CIROZ: variants seen among roughly 807,000 people sequenced by gnomAD.
CIROZ encodes the protein ciliated left-right organizer ZP-N domains-containing protein.
chr1:10,962,807 C>A, the CIROZ span, among the ~76,000 whole-genome samples: 4 of 152,212 alleles, frequency 2.6e-5, no homozygotes, highest in Non-Finnish European at 5.9e-5. Flanking sequence ...CGGCACCCAG[C>A]ACAGAATGAG....
the CIROZ span, among the ~76,000 whole-genome samples, chr1:10,955,898 T>C: frequency 6.6e-6 from 1 of 151,926 alleles, no homozygotes; most frequent in African/African-American, 2.4e-5. Flanking sequence ...GTTTACACTT[T>C]AGCAAGAATT....
chr1:10,964,571 G>C, the CIROZ span, among the ~76,000 whole-genome samples: 1 of 152,210 alleles, frequency 6.6e-6, no homozygotes, highest in African/African-American at 2.4e-5. Flanking sequence ...TCCCTTGAGA[G>C]TTGACAAATA....
At chr1:10,976,772 A>C in the CIROZ span, among the ~76,000 whole-genome samples, 976 of 152,212 alleles carry the variant, frequency 6.4e-3, 13 homozygotes, top group African/African-American at 0.022. Flanking sequence ...CAGGCTCAGA[A>C]GAAAATGAAA....
At chr1:10,950,640 A>G in the CIROZ span, among the ~76,000 whole-genome samples, 1 of 152,276 alleles carries the variant, frequency 6.6e-6, no homozygotes, top group East Asian at 1.9e-4. Context: ...CGCCCACCAG[A>G]TGCTGGTAGG....
chr1:10,979,095 G>A, the CIROZ span, among the ~76,000 whole-genome samples: 1 of 152,116 alleles, frequency 6.6e-6, no homozygotes, highest in East Asian at 1.9e-4. Flanking sequence ...AGATTTAAGT[G>A]ATTCTCGTGC....
At chr1:10,976,276 G>C in the CIROZ span, 16 of 1,502,940 alleles carry the variant, frequency 1.1e-5, no homozygotes, top group East Asian at 9.8e-5. Context: ...AGGAGGGAAG[G>C]GGGTGGGGAC....
At chr1:10,969,937 A>G in the CIROZ span, 1 of 1,503,684 alleles carries the variant, frequency 6.7e-7, no homozygotes, top group Non-Finnish European at 8.8e-7. Context: ...AAGCCCCAGC[A>G]AAGACCCCGC....
At chr1:10,971,053 A>G in the CIROZ span, among the ~76,000 whole-genome samples, 1 of 7,032 alleles carries the variant, frequency 1.4e-4, no homozygotes, top group East Asian at 4.0e-3. Flanking sequence ...TCAGGAGGTG[A>G]GGCGGAAAGA....
At chr1:10,950,747 G>A in the CIROZ span, among the ~76,000 whole-genome samples, 8 of 152,240 alleles carry the variant, frequency 5.3e-5, no homozygotes, top group Admixed American at 2.0e-4. Context: ...GTTCCAGCTT[G>A]CAAATTCTGG....
At chr1:10,971,258 G>A in the CIROZ span, among the ~76,000 whole-genome samples, 3 of 150,374 alleles carry the variant, frequency 2.0e-5, no homozygotes, top group African/African-American at 7.3e-5. Context: ...AGACCAGAGG[G>A]GAGAGGCAGT....
chr1:10,970,804 C>T, the CIROZ span, among the ~76,000 whole-genome samples: 19,481 of 151,084 alleles, frequency 0.13, 2,043 homozygotes, highest in East Asian at 0.29. Flanking sequence ...AATCTAAACT[C>T]TATGTTTTAT....
chr1:10,963,817 C>T, the CIROZ span, among the ~76,000 whole-genome samples: 1 of 152,044 alleles, frequency 6.6e-6, no homozygotes, highest in Non-Finnish European at 1.5e-5. Flanking sequence ...TGCAATTTTG[C>T]AGCTTTGGTG....
chr1:10,968,017 G>A, the CIROZ span, among the ~76,000 whole-genome samples: 1 of 151,438 alleles, frequency 6.6e-6, no homozygotes, highest in African/African-American at 2.4e-5. Flanking sequence ...AATTCGTTCG[G>A]CGCGGTGGGG....
the CIROZ span, among the ~76,000 whole-genome samples, chr1:10,976,704 A>AAG: frequency 6.7e-6 from 1 of 149,998 alleles, no homozygotes; most frequent in Non-Finnish European, 1.5e-5. Context: ...AGAGACGAAA[A>AAG]AAAAAAAAAA....
the CIROZ span, among the ~76,000 whole-genome samples, chr1:10,958,132 G>C: frequency 6.6e-6 from 1 of 152,200 alleles, no homozygotes; most frequent in Non-Finnish European, 1.5e-5. Flanking sequence ...GGGAATCAGG[G>C]TCTTGAATAA....
At chr1:10,965,806 G>A in the CIROZ span, among the ~76,000 whole-genome samples, 4 of 149,432 alleles carry the variant, frequency 2.7e-5, no homozygotes, top group Admixed American at 6.7e-5. Context: ...CTGGGTGCCA[G>A]AGCGAGCCTC....
chr1:10,969,300 G>A, the CIROZ span, among the ~76,000 whole-genome samples: 1 of 152,016 alleles, frequency 6.6e-6, no homozygotes, highest in African/African-American at 2.4e-5. Context: ...CTCTACTCGT[G>A]TTCCCTCCAG....
chr1:10,980,766 G>C, the CIROZ span, among the ~76,000 whole-genome samples: 15 of 152,304 alleles, frequency 9.8e-5, no homozygotes, highest in Non-Finnish European at 2.1e-4. Flanking sequence ...TGTGGGTTTG[G>C]GTTTTTCCCC....
the CIROZ span, chr1:10,964,185 C>G: frequency 6.2e-7 from 1 of 1,614,072 alleles, no homozygotes; most frequent in East Asian, 2.2e-5. Context: ...ACCTTAGCAT[C>G]GGACACTTCA....
Sources: allele counts gnomAD v4.1 joint callset (sites outside exome capture counted in the v4.1 genomes callset), GRCh38; gene constraint gnomAD v4.1.1; transcripts MANE v1.5; gene names NCBI Gene and HGNC (gene_info 2026-07-23, HGNC 2026-07-21).